The following GPATCH8 variants were observed in gnomAD, a reference collection of about 807,000 sequenced individuals.
GPATCH8 encodes G patch domain-containing protein 8.
GPATCH8 carries 18 observed loss-of-function variants against 118.3 expected under a neutral mutation model. The ratio of observed to expected loss-of-function variants is 0.15; its 90% CI spans 0.11 to 0.23. The LOEUF is 0.23. Ranked by LOEUF, GPATCH8 falls within the 10% of genes least tolerant of loss-of-function variation. The pLI, the probability that GPATCH8 is intolerant of heterozygous loss-of-function variation, is 1.00. For synonymous variants in GPATCH8, 659 were observed against 684.7 expected (o/e 0.96, Z 0.59); for missense variants, 1,631 against 1,873.8 (o/e 0.87, Z 2.39).
chr17:44,483,592 T>A (rs923313059), intron 1 of GPATCH8, among the ~76,000 whole-genome samples: 3 of 151,948 alleles, frequency 2.0e-5, no homozygotes, highest in Non-Finnish European at 4.4e-5. Flanking sequence ...TTGAATTTCA[T>A]ACTTACTGCA....
intron 5 of GPATCH8, among the ~76,000 whole-genome samples, chr17:44,425,247 G>C (rs2050048981): frequency 6.6e-6 from 1 of 152,172 alleles, no homozygotes; most frequent in East Asian, 1.9e-4. Flanking sequence ...TTTTAGAGCA[G>C]GGTAGATGCA....
chr17:44,405,209 CTT>C (rs542901574), intron 7 of GPATCH8, among the ~76,000 whole-genome samples: 30 of 137,960 alleles, frequency 2.2e-4, no homozygotes, highest in African/African-American at 2.6e-4. Context: ...GTTTATAATT[CTT>C]TTTTTTTTTT....
Position 44,406,506 on chromosome 17 carries a change from G to GGT in GPATCH8, c.493-456_493-455insAC, listed in dbSNP as rs1555622834. 1.4e-4 allele frequency among the ~76,000 whole-genome samples: 10 copies of GGT among 69,302 alleles called. 2 individuals carry two copies. The highest frequency in any genetic ancestry group is 5.5e-4 in the East Asian group (1 of 1,832). The allele number at this position is 69,302 out of a possible 152,430, so 45.5% of individuals were successfully genotyped here. On this transcript the variant is annotated intron_variant, in intron 6 of 7. Transcript: ENST00000591680. ...AATGTACAGCTTACATGGGGGGGGG[G>GGT]GGTTATTTAAATTAGAACAAATAGA...
chr17:44,430,613 A>C (rs114830838), intron 5 of GPATCH8, among the ~76,000 whole-genome samples: 2,567 of 152,102 alleles, frequency 0.017, 82 homozygotes, highest in African/African-American at 0.058. Context: ...CTCTATAAAG[A>C]TCAGAAAGAC....
At chr17:44,437,031 G>A (rs1189894861) in intron 3 of GPATCH8, among the ~76,000 whole-genome samples, 1 of 152,020 alleles carries the variant, frequency 6.6e-6, no homozygotes, top group Admixed American at 6.5e-5. Flanking sequence ...TTACAACTCA[G>A]TATGTTGAAT....
chr17:44,448,503 AGGGG>A (rs35585514), intron 3 of GPATCH8, among the ~76,000 whole-genome samples: 2 of 63,746 alleles, frequency 3.1e-5, no homozygotes, highest in South Asian at 6.5e-4. Context: ...AAAAAAAAAA[AGGGG>A]GGGGGGGGAA....
rs1487652743 is a variant in GPATCH8 at position 44,397,080 on chromosome 17, C to A, written c.*488G>T. ...TCACCAAAGATGGTCAAAGATACTA[C>A]CCCAAAATGGTGGCACTTCCACCAC... On this transcript the variant is annotated 3_prime_UTR_variant, in exon 8 of 8. Coordinates refer to ENST00000591680, the MANE Select transcript of GPATCH8 (RefSeq NM_001002909.4). 4.4e-6 allele frequency: 2 copies of A among 454,448 alleles called. No individual in the cohort carries two copies. The highest frequency in any genetic ancestry group is 2.0e-5 in the African/African-American group (1 of 50,130). 28.2% of individuals were successfully genotyped at this position (454,448 alleles called of 1,614,324 possible). A position where few individuals can be genotyped will look rare whatever the true frequency, so the allele number is the denominator to read the frequency against.
At chr17:44,414,671 A>G (rs1400731902) in intron 6 of GPATCH8, among the ~76,000 whole-genome samples, 1 of 152,150 alleles carries the variant, frequency 6.6e-6, no homozygotes, top group East Asian at 1.9e-4. Context: ...TGCAACTATC[A>G]CCACTATCTA....
chr17:44,428,019 T>C (rs1312009297), intron 5 of GPATCH8, among the ~76,000 whole-genome samples: 1 of 152,156 alleles, frequency 6.6e-6, no homozygotes, highest in Non-Finnish European at 1.5e-5. Context: ...TGGTAGCCCA[T>C]GTCTGTAATT....
In GPATCH8 at chr17:44,399,176, A is replaced by G; in HGVS notation, c.2901T>C (p.Arg967=). The G allele has an allele frequency of 6.2e-7, 1 of 1,610,994 alleles. No individual in the cohort carries two copies. ...TACGGCTTCTCCGCTTGCTTCGACT[A>G]CGACTACAACTGCTGCTGCGGCTGC... ...RGRSRSSSCS[R]SRSKRRSRST... is the part of the protein sequence containing the mutation. Residue 967 remains arginine (R), a synonymous_variant, in exon 8 of 8, where the codon CGT becomes CGC. Transcript: ENST00000591680.
intron 3 of GPATCH8, among the ~76,000 whole-genome samples, chr17:44,447,761 GGGCTACA>G: frequency 6.6e-6 from 1 of 151,992 alleles, no homozygotes; most frequent in East Asian, 1.9e-4. Flanking sequence ...CAAGTAGCTA[GGGCTACA>G]GGCATAAGCC....
At chr17:44,495,884 T>C (rs959150045) in intron 1 of GPATCH8, among the ~76,000 whole-genome samples, 9 of 152,234 alleles carry the variant, frequency 5.9e-5, no homozygotes, top group African/African-American at 2.2e-4. Context: ...TTGTTTGGTT[T>C]TGAGATGGAG....
At chr17:44,414,715 C>A (rs561088585) in intron 6 of GPATCH8, among the ~76,000 whole-genome samples, 1 of 152,266 alleles carries the variant, frequency 6.6e-6, no homozygotes, top group East Asian at 1.9e-4. Flanking sequence ...CCAAAAGAAA[C>A]CTCATACCCA....
At position 44,447,074 on chromosome 17, in the gene GPATCH8, G is replaced by C. The variant is rs12449545; in HGVS notation, c.194-10529C>G. ...TGGTCTCGAACTCCTGACCTCAAGT[G>C]ATCTGCCCGCCTTGGCCTCCCAAAG... On this transcript the variant is annotated intron_variant, in intron 3 of 7. Transcript: ENST00000591680. Among the ~76,000 whole-genome samples the C allele has an allele frequency of 6.5e-3, 993 of 151,960 alleles. 10 individuals carry two copies. Among genetic ancestry groups the C allele is most frequent in the African/African-American group, 0.022 (913 of 41,400 alleles).
chr17:44,407,770 C>T (rs1421781526), intron 6 of GPATCH8, among the ~76,000 whole-genome samples: 2 of 151,598 alleles, frequency 1.3e-5, no homozygotes, highest in African/African-American at 2.4e-5. Context: ...GATTCTCATG[C>T]GTTAGCCTCC....
At chr17:44,418,462 T>G (rs945388848) in intron 6 of GPATCH8, among the ~76,000 whole-genome samples, 10 of 151,664 alleles carry the variant, frequency 6.6e-5, no homozygotes, top group African/African-American at 2.4e-4. Context: ...ATGTCTTTTT[T>G]TTTTTTTTTT....
At chr17:44,451,126 T>C (rs1208735128) in intron 3 of GPATCH8, among the ~76,000 whole-genome samples, 1 of 152,088 alleles carries the variant, frequency 6.6e-6, no homozygotes, top group Non-Finnish European at 1.5e-5. Flanking sequence ...TTTTTCTCTT[T>C]TTCTTTGGAG....
chr17:44,427,699 T>C (rs557257723), intron 5 of GPATCH8, among the ~76,000 whole-genome samples: 2 of 152,292 alleles, frequency 1.3e-5, no homozygotes, highest in Non-Finnish European at 2.9e-5. Context: ...AGAAGTAGTG[T>C]ACATAATATA....
intron 5 of GPATCH8, among the ~76,000 whole-genome samples, chr17:44,429,912 C>T (rs893500814): frequency 6.6e-6 from 1 of 151,968 alleles, no homozygotes; most frequent in Non-Finnish European, 1.5e-5. Flanking sequence ...GCCTGTAATC[C>T]CAGCTACTTG....
Sources: allele counts gnomAD v4.1 joint callset (sites outside exome capture counted in the v4.1 genomes callset), GRCh38; gene constraint gnomAD v4.1.1; transcripts MANE v1.5; gene names NCBI Gene and HGNC (gene_info 2026-07-23, HGNC 2026-07-21).